The following TTLL10 variants were observed in gnomAD, a reference collection of about 807,000 sequenced individuals.
TTLL10 encodes the protein tubulin tyrosine ligase like 10.
A neutral mutation model predicts 69.0 loss-of-function variants in TTLL10; 61 were observed. The observed-to-expected ratio is 0.88, with a 90% CI of 0.72 to 1.09. The LOEUF is 1.09. Ranked by LOEUF, TTLL10 falls within the 50% of genes least tolerant of loss-of-function variation. The pLI is 0.00. For missense variants in TTLL10, 962 were observed against 945.9 expected, an observed-to-expected ratio of 1.02 and a Z score of -0.22; for synonymous variants, 408 against 393.3, an observed-to-expected ratio of 1.04 and a Z score of -0.44.
chr1:1,180,679 G>A (rs1023173480), intron 7 of TTLL10, 52 bp from the exon 8 acceptor site: 2 of 1,569,588 alleles, frequency 1.3e-6, no homozygotes, highest in African/African-American at 1.4e-5. Flanking sequence ...TGGAGGGGTG[G>A]GGACCGAGGT....
In TTLL10 at chr1:1,185,326, A is replaced by C; in HGVS notation, c.1401+217A>C. The C allele has an allele frequency of 7.2e-7, 1 of 1,388,788 alleles. No individual in the cohort carries two copies. Among genetic ancestry groups the C allele is most frequent in the Non-Finnish European group, 9.3e-7 (1 of 1,076,170 alleles). The allele number at this position is 1,388,788 out of a possible 1,614,324, so 86.0% of individuals were successfully genotyped here. A position where few individuals can be genotyped will look rare whatever the true frequency, so the allele number is the denominator to read the frequency against. ...CAGCAAAGGCCCGGACGGAAAGCCCAGTCGGGGGTCTGTCGGCACGAGTCC... is the reference window on the plus strand; with the variant it reads ...CAGCAAAGGCCCGGACGGAAAGCCCCGTCGGGGGTCTGTCGGCACGAGTCC... On this transcript the variant is annotated intron_variant, in intron 13 of 15. Coordinates refer to ENST00000379289, the MANE Select transcript of TTLL10 (RefSeq NM_001130045.2). This position sits in a 1 kb window ranked among gnomAD's most constrained non-coding sequence, Gnocchi z 6.1.
intron 3 of TTLL10, among the ~76,000 whole-genome samples, chr1:1,178,036 T>A (rs1265402932): frequency 6.6e-6 from 1 of 152,136 alleles, no homozygotes; most frequent in East Asian, 1.9e-4. Flanking sequence ...TTTCCCCACC[T>A]TCCCCTGCCC....
intron 10 of TTLL10, 103 bp from the exon 11 acceptor site, chr1:1,182,773 G>C (rs1449683268): frequency 2.8e-6 from 4 of 1,435,008 alleles, no homozygotes; most frequent in Non-Finnish European, 2.8e-6. Flanking sequence ...TGGAATGGCC[G>C]GGCCGAGGGT....
At chr1:1,187,448 G>T (rs369980693) in intron 13 of TTLL10, among the ~76,000 whole-genome samples, 38 of 152,126 alleles carry the variant, frequency 2.5e-4, no homozygotes, top group East Asian at 1.5e-3. Context: ...TGACCAATAT[G>T]GTGAAACCCC....
chr1:1,193,469 C>CT (rs531982531), intron 13 of TTLL10, among the ~76,000 whole-genome samples: 27 of 146,534 alleles, frequency 1.8e-4, no homozygotes, highest in East Asian at 1.8e-3. Context: ...TCTAGTGTAG[C>CT]TTTTTTTTTT....
In TTLL10 at chr1:1,191,812, C is replaced by T. The variant is rs1055442631; in HGVS notation, c.1402-4788C>T. On this transcript the variant is annotated intron_variant, in intron 13 of 15. Transcript: ENST00000379289. ...TTCAGTTAACTAAAAGTATCCCTTA[C>T]GGGAAACGAAGGGATGGGCCAAATT... 5.1e-4 allele frequency among the ~76,000 whole-genome samples: 77 copies of T among 152,226 alleles called. 4 individuals carry two copies. The highest frequency in any genetic ancestry group is 6.5e-5 in the Admixed American group (1 of 15,286).
At chr1:1,187,801 A>G (rs1269954363) in intron 13 of TTLL10, among the ~76,000 whole-genome samples, 2 of 151,880 alleles carry the variant, frequency 1.3e-5, no homozygotes, top group African/African-American at 4.8e-5. Context: ...GCTACTCAAG[A>G]TGCTGAGGCA....
In TTLL10 at chr1:1,182,875, G is replaced by A. The variant is rs1162974379; in HGVS notation, c.917-1G>A. 2 of 1,574,192 alleles carry A rather than the reference G, an allele frequency of 1.3e-6. No homozygotes were observed. Among genetic ancestry groups the A allele is most frequent in the East Asian group, 2.3e-5 (1 of 42,870 alleles). Reference sequence around the variant, plus strand: ...AGGGGCTCAGGCCGCGCTCTCTGCAGAAACCCAGATATGGATCTGCAAGCC... The same window carrying A: ...AGGGGCTCAGGCCGCGCTCTCTGCAAAAACCCAGATATGGATCTGCAAGCC... On this transcript the variant is annotated splice_acceptor_variant, in intron 10 of 15. Transcript: ENST00000379289. LOFTEE classifies it high-confidence loss of function.
At chr1:1,174,843 G>GT (rs1646827807) in intron 3 of TTLL10, 4 of 152,234 alleles carry the variant, frequency 2.6e-5, no homozygotes. Flanking sequence ...TTCAGTCCGG[G>GT]GCGGTGGCTC....
In TTLL10 at chr1:1,180,110, C is replaced by T. The variant is rs763735733; in HGVS notation, c.276C>T (p.Asp92=). Residue 92 remains aspartate (D), a synonymous_variant, in exon 6 of 16, where the codon GAC becomes GAT. Transcript: ENST00000379289. ...GTCAGCCAAGCCAGCCAGACCACGA[C>T]GCAGATGGACACTGTGGGCCGGACC... The part of the protein sequence containing the change: ...LRCQPSQPDH[D]ADGHCGPDLE... 8.1e-6 allele frequency: 13 copies of T among 1,611,290 alleles called. No homozygotes were observed. In the South Asian group the frequency reaches 8.8e-5, roughly 11 times the overall value.
chr1:1,182,341 C>T lies in TTLL10; in HGVS notation c.831-20C>T. Reference sequence around the variant, plus strand: ...GGGCGAAGGGACAGCAGCTCATCCTCCTGCCTCCCTGCCCTGCAGGGTCCT... The same window carrying T: ...GGGCGAAGGGACAGCAGCTCATCCTTCTGCCTCCCTGCCCTGCAGGGTCCT... On this transcript the variant is annotated intron_variant, in intron 9 of 15. Coordinates refer to ENST00000379289, the MANE Select transcript of TTLL10 (RefSeq NM_001130045.2). 2 of 1,610,162 alleles carry T rather than the reference C, an allele frequency of 1.2e-6. No homozygotes were observed. The highest frequency in any genetic ancestry group is 1.7e-6 in the Non-Finnish European group (2 of 1,176,740).
chr1:1,194,835 C>A (rs987801426), intron 13 of TTLL10, among the ~76,000 whole-genome samples: 1 of 151,998 alleles, frequency 6.6e-6, no homozygotes, highest in African/African-American at 2.4e-5. Flanking sequence ...GGTTGTTTTT[C>A]ATTAAACTGG....
intron 3 of TTLL10, chr1:1,175,998 C>T (rs1388211860): frequency 4.5e-6 from 2 of 442,300 alleles, no homozygotes; most frequent in Non-Finnish European, 9.0e-6. Context: ...GAGGCTGCTG[C>T]TCCCAGCCAC....
chr1:1,187,777 C>T (rs551966939), intron 13 of TTLL10, among the ~76,000 whole-genome samples: 4 of 151,856 alleles, frequency 2.6e-5, no homozygotes, highest in Admixed American at 2.6e-4. Context: ...TGGTGGCGTG[C>T]ACCTGTAGTC....
At chr1:1,177,194 G>T (rs1277440248) in intron 3 of TTLL10, among the ~76,000 whole-genome samples, 1 of 151,834 alleles carries the variant, frequency 6.6e-6, no homozygotes, top group African/African-American at 2.4e-5. Flanking sequence ...GTGTGTCTGT[G>T]CATCCATGTG....
At chr1:1,190,928 C>T (rs929536780) in intron 13 of TTLL10, among the ~76,000 whole-genome samples, 20 of 151,074 alleles carry the variant, frequency 1.3e-4, no homozygotes, top group African/African-American at 4.4e-4. Context: ...CGGGTTCAAG[C>T]GATTCTCCTG....
chr1:1,180,722 G>C lies in TTLL10; in HGVS notation c.626-9G>C. ...TCCCTCCACACGAGCCCTGGCCTCT[G>C]ACCTCCAGGAGAGCAGCTGCTGTAC... On this transcript the variant is annotated splice_polypyrimidine_tract_variant and intron_variant, in intron 7 of 15. Transcript: ENST00000379289. The C allele has an allele frequency of 6.2e-7, 1 of 1,602,198 alleles. No homozygotes were observed. Among genetic ancestry groups the C allele is most frequent in the East Asian group, 2.3e-5 (1 of 43,912 alleles).
chr1:1,182,279 G>T, intron 9 of TTLL10, 82 bp from the exon 10 acceptor site: 1 of 1,260,034 alleles, frequency 7.9e-7, no homozygotes, highest in Non-Finnish European at 1.2e-6. Flanking sequence ...CCTCCCGCCG[G>T]GCCACAGGCT....
Position 1,182,710 on chromosome 1 carries a change from C to T in TTLL10, c.917-166C>T, listed in dbSNP as rs566983549. On this transcript the variant is annotated intron_variant, in intron 10 of 15. Coordinates refer to ENST00000379289, the MANE Select transcript of TTLL10 (RefSeq NM_001130045.2). ...GGAGCTTGGTCCGGGTGAGCGTGGTCGAGGCACGGGCAGGAGCTGGGGCCA... is the reference window on the plus strand; with the variant it reads ...GGAGCTTGGTCCGGGTGAGCGTGGTTGAGGCACGGGCAGGAGCTGGGGCCA... 4.6e-5 allele frequency among the ~76,000 whole-genome samples: 7 copies of T among 151,796 alleles called. No homozygotes were observed. In the South Asian group the frequency reaches 1.3e-3, roughly 27 times the overall value.
Sources: allele counts gnomAD v4.1 joint callset (sites outside exome capture counted in the v4.1 genomes callset), GRCh38; gene constraint gnomAD v4.1.1; non-coding constraint Gnocchi (gnomAD v3.1); transcripts MANE v1.5; gene names NCBI Gene and HGNC (gene_info 2026-07-23, HGNC 2026-07-21).